KALRN: variants seen among roughly 807,000 people sequenced by gnomAD.
KALRN encodes the protein kalirin.
KALRN carries 70 observed loss-of-function variants against 353.7 expected under a neutral mutation model. That is an observed-to-expected ratio of 0.20 (90% CI 0.16 to 0.24). KALRN has a LOEUF of 0.24. KALRN is among the 10% of genes least tolerant of loss of function. The pLI is 1.00. For missense variants in KALRN, 2,791 were observed against 3,756.7 expected, an observed-to-expected ratio of 0.74 and a Z score of 6.72; for synonymous variants, 1,391 against 1,434.8, an observed-to-expected ratio of 0.97 and a Z score of 0.69.
At chr3:124,718,295 G>A (rs1180400298) in intron 59 of KALRN, among the ~76,000 whole-genome samples, 2 of 151,562 alleles carry the variant, frequency 1.3e-5, no homozygotes, top group Non-Finnish European at 2.9e-5. Context: ...TAATTTTTTT[G>A]TATTTTTAGT....
chr3:124,664,030 G>A (rs758185481), intron 45 of KALRN, among the ~76,000 whole-genome samples: 36 of 152,266 alleles, frequency 2.4e-4, no homozygotes, highest in Non-Finnish European at 4.3e-4. Flanking sequence ...TCCAAAGCAG[G>A]CTGGAGACAT....
chr3:124,238,555 A>G (rs962605489), intron 3 of KALRN, among the ~76,000 whole-genome samples: 3 of 152,186 alleles, frequency 2.0e-5, no homozygotes, highest in East Asian at 1.9e-4. Context: ...ACAATGCATC[A>G]TAAAATCCAG....
intron 10 of KALRN, among the ~76,000 whole-genome samples, chr3:124,363,989 A>G (rs2084350997): frequency 6.6e-6 from 1 of 152,154 alleles, no homozygotes; most frequent in Admixed American, 6.5e-5. Context: ...CTGCCCAGTG[A>G]CCTCTCAACA....
At chr3:124,541,244 G>A (rs540289010) in intron 33 of KALRN, among the ~76,000 whole-genome samples, 5 of 152,188 alleles carry the variant, frequency 3.3e-5, no homozygotes, top group Admixed American at 1.3e-4. Context: ...GAGGTCAGGA[G>A]TTTGAGACCA....
At chr3:124,173,187 G>C (rs1442848064) in intron 1 of KALRN, among the ~76,000 whole-genome samples, 1 of 152,104 alleles carries the variant, frequency 6.6e-6, no homozygotes, top group Non-Finnish European at 1.5e-5. Flanking sequence ...ATGGAGAATG[G>C]GGTGGAATTG....
At chr3:124,569,528 A>T (rs758159115) in intron 34 of KALRN, among the ~76,000 whole-genome samples, 6 of 152,154 alleles carry the variant, frequency 3.9e-5, no homozygotes, top group Admixed American at 1.3e-4. Flanking sequence ...TCCTCATCTT[A>T]CAGATAAAGA....
At chr3:124,153,221 C>T (rs1175156415) in intron 1 of KALRN, among the ~76,000 whole-genome samples, 3 of 148,034 alleles carry the variant, frequency 2.0e-5, no homozygotes, top group Non-Finnish European at 3.0e-5. Flanking sequence ...CACCCATTAA[C>T]TCATCATTTA....
intron 1 of KALRN, among the ~76,000 whole-genome samples, chr3:124,140,896 A>G (rs1239967850): frequency 6.6e-6 from 1 of 152,078 alleles, no homozygotes; most frequent in East Asian, 1.9e-4. Flanking sequence ...TGAGTTTATG[A>G]TTCATGATTA....
chr3:124,113,245 C>T (rs1025782031), intron 1 of KALRN, among the ~76,000 whole-genome samples: 1 of 152,142 alleles, frequency 6.6e-6, no homozygotes, highest in South Asian at 2.1e-4. Flanking sequence ...CCAATAATAT[C>T]CTATGTTTAC....
intron 10 of KALRN, chr3:124,374,474 T>A (rs150659105): frequency 1.3e-5 from 2 of 152,334 alleles, no homozygotes; most frequent in East Asian, 3.9e-4. Context: ...CAGAGATATA[T>A]GTGACCAAAA....
chr3:124,589,426 T>C (rs2075550408), intron 34 of KALRN, among the ~76,000 whole-genome samples: 1 of 152,104 alleles, frequency 6.6e-6, no homozygotes, highest in Admixed American at 6.5e-5. Flanking sequence ...GGAGATCCCA[T>C]CTCTACAAAT....
chr3:124,566,284 C>T (rs1416723289), intron 34 of KALRN, among the ~76,000 whole-genome samples: 3 of 152,092 alleles, frequency 2.0e-5, no homozygotes, highest in Admixed American at 6.5e-5. Context: ...GTGGATTGCT[C>T]AGGCTCAGGC....
rs1451460794 is a variant in KALRN, at chr3:124,679,499, C to T, written c.7359C>T (p.Asp2453=). Residue 2453 remains aspartate (D), a synonymous_variant, in exon 51 of 60, where the codon GAC becomes GAT. Coordinates refer to ENST00000682506, the MANE Select transcript of KALRN (RefSeq NM_001388419.1). Reference sequence around the variant, plus strand: ...AGGAATCAGAGTGTGATGATCTTGACCCTAATACTAGCATGGAGGTAGAAG... The same window carrying T: ...AGGAATCAGAGTGTGATGATCTTGATCCTAATACTAGCATGGAGGTAGAAG... ...SSEESECDDL[D]PNTSMEILNP... 6.2e-7 allele frequency: 1 copy of T among 1,613,996 alleles called. No individual in the cohort carries two copies. The highest frequency in any genetic ancestry group is 8.5e-7 in the Non-Finnish European group (1 of 1,179,830).
intron 6 of KALRN, among the ~76,000 whole-genome samples, chr3:124,314,799 G>T (rs996798614): frequency 2.0e-5 from 3 of 151,416 alleles, no homozygotes; most frequent in African/African-American, 7.3e-5. Context: ...TGGACTACAG[G>T]TGTATGCCAC....
intron 51 of KALRN, among the ~76,000 whole-genome samples, chr3:124,689,417 G>C (rs982966537): frequency 6.6e-6 from 1 of 151,908 alleles, no homozygotes; most frequent in Non-Finnish European, 1.5e-5. Flanking sequence ...TGTTGCCCAG[G>C]CTGGTCTTGA....
At chr3:124,445,762 T>C (rs2093817111) in intron 19 of KALRN, among the ~76,000 whole-genome samples, 1 of 152,226 alleles carries the variant, frequency 6.6e-6, no homozygotes, top group Admixed American at 6.5e-5. Flanking sequence ...TAATGAGTCC[T>C]TAAGAATGAC....
At chr3:124,171,433 A>G (rs2150115188) in intron 1 of KALRN, among the ~76,000 whole-genome samples, 1 of 152,346 alleles carries the variant, frequency 6.6e-6, no homozygotes, top group South Asian at 2.1e-4. Flanking sequence ...TATCCACTAG[A>G]AGACCAGACT....
chr3:124,334,901 T>G lies in KALRN; in HGVS notation c.1647+406T>G, dbSNP rs2080969538. On this transcript the variant is annotated intron_variant, in intron 9 of 59. Coordinates refer to ENST00000682506, the MANE Select transcript of KALRN (RefSeq NM_001388419.1). The surrounding 1 kb of genome is among the most constrained non-coding windows in gnomAD (Gnocchi z 4.2). The stretch of plus-strand genomic sequence containing the variant: ...CCTCCGCTTTCTGGGTTCAAGCGAT[T>G]CTTGTTCCTCAGCCTCCCAAGTAGC... Among the ~76,000 whole-genome samples the G allele has an allele frequency of 6.6e-6, 1 of 152,204 alleles. No individual in the cohort carries two copies. The highest frequency in any genetic ancestry group is 6.5e-5 in the Admixed American group (1 of 15,278).
chr3:124,454,914 C>T (rs1387225937), intron 21 of KALRN, among the ~76,000 whole-genome samples: 1 of 152,064 alleles, frequency 6.6e-6, no homozygotes, highest in South Asian at 2.1e-4. Context: ...CCATGGGGGG[C>T]CCTGGAACAA....
Sources: gnomAD v4.1 joint callset for allele counts (sites outside exome capture counted in the v4.1 genomes callset) on GRCh38, gnomAD v4.1.1 for gene constraint, Gnocchi (gnomAD v3.1) non-coding constraint, MANE v1.5 for transcripts, NCBI Gene and HGNC (gene_info 2026-07-23, HGNC 2026-07-21) for gene names.